The following EIF2AK1 variants were observed in gnomAD, a reference collection of about 807,000 sequenced individuals.
The protein encoded by EIF2AK1 is eukaryotic translation initiation factor 2 alpha kinase 1, also known as eukaryotic translation initiation factor 2-alpha kinase 1.
In EIF2AK1, 54 loss-of-function variants were observed where a neutral mutation model predicts 77.9. That is an observed-to-expected ratio of 0.69 (90% CI 0.56 to 0.87). The LOEUF (loss-of-function observed/expected upper bound fraction) is 0.87, where lower values mean the gene tolerates loss of function less well. Among genes scored for constraint, EIF2AK1 ranks in the 40% least tolerant of loss-of-function variants. The pLI, the probability that EIF2AK1 is intolerant of heterozygous loss-of-function variation, is 0.00. For synonymous variants in EIF2AK1, 314 were observed against 290.5 expected, an observed-to-expected ratio of 1.08 and a Z score of -0.82; for missense variants, 810 against 768.6, an observed-to-expected ratio of 1.05 and a Z score of -0.64.
intron 2 of EIF2AK1, among the ~76,000 whole-genome samples, chr7:6,051,304 C>T (rs1031004010): frequency 6.8e-6 from 1 of 147,502 alleles, no homozygotes; most frequent in African/African-American, 2.5e-5. Context: ...CAGACTCTCA[C>T]TCTGTCGCCC....
intron 2 of EIF2AK1, among the ~76,000 whole-genome samples, chr7:6,050,958 A>G (rs539396905): frequency 6.6e-6 from 1 of 152,248 alleles, no homozygotes; most frequent in Admixed American, 6.6e-5. Flanking sequence ...TAGTCAGTAA[A>G]GTACTAAGCC....
chr7:6,058,916 G>A, intron 1 of EIF2AK1, 50 bp downstream of exon 1: 1 of 1,442,168 alleles, frequency 6.9e-7, no homozygotes, highest in Non-Finnish European at 9.2e-7. Context: ...GCCCAGAAAC[G>A]CAGGTGGACA....
In EIF2AK1 at chr7:6,031,541, C is replaced by T. The variant is rs926886495; in HGVS notation, c.1333-2509G>A. The T allele has an allele frequency of 5.2e-6, 8 of 1,550,620 alleles. No homozygotes were observed. In the African/African-American group the frequency reaches 9.6e-5, roughly 19 times the overall value. On this transcript the variant is annotated intron_variant, in intron 11 of 14. Transcript: ENST00000199389. ...CCTGAGAAATCACCCTGTCAACCAGCCCATCACCATTCTGCCCAACTCCGC... is the reference window on the plus strand; with the variant it reads ...CCTGAGAAATCACCCTGTCAACCAGTCCATCACCATTCTGCCCAACTCCGC...
chr7:6,024,527 G>C lies in EIF2AK1; in HGVS notation c.*146C>G, dbSNP rs1223331712. The stretch of plus-strand genomic sequence containing the variant: ...AAAAGGAGCTTGTGGGGCAGGAAGG[G>C]AAGGAACGGCAGCTTGGGGCACTCT... On this transcript the variant is annotated 3_prime_UTR_variant, in exon 15 of 15. Transcript: ENST00000199389. The C allele has an allele frequency of 2.1e-6, 3 of 1,457,352 alleles. No homozygotes were observed. In the African/African-American group the frequency reaches 4.3e-5, roughly 21 times the overall value. The allele number at this position is 1,457,352 out of a possible 1,614,324, so 90.3% of individuals were successfully genotyped here.
chr7:6,052,190 A>G (rs1194177606), intron 2 of EIF2AK1, among the ~76,000 whole-genome samples: 4 of 144,934 alleles, frequency 2.8e-5, no homozygotes, highest in Non-Finnish European at 6.1e-5. Context: ...AAAAAAAAAA[A>G]GTCATCTAAA....
In EIF2AK1 at chr7:6,027,879, A is replaced by C; in HGVS notation, c.1530+736T>G. ...CAGGAGTTTGAGACCAACCTGGACA[A>C]AGCAAGACCCATCTCTACAAATAAT... is the stretch of plus-strand genomic sequence containing the variant. On this transcript the variant is annotated intron_variant, in intron 13 of 14. Coordinates refer to ENST00000199389, the MANE Select transcript of EIF2AK1 (RefSeq NM_014413.4). The surrounding 1 kb of genome is among the most constrained non-coding windows in gnomAD (Gnocchi z 4.5). 1 of 434,952 alleles carries C rather than the reference A, an allele frequency of 2.3e-6. No homozygotes were observed. The highest frequency in any genetic ancestry group is 1.7e-5 in the South Asian group (1 of 59,858). The allele number at this position is 434,952 out of a possible 1,614,324, so 26.9% of individuals were successfully genotyped here.
chr7:6,035,547 G>C lies in EIF2AK1; in HGVS notation c.1332+1877C>G. 3.2e-6 allele frequency: 5 copies of C among 1,551,190 alleles called. No individual in the cohort carries two copies. Among genetic ancestry groups the C allele is most frequent in the Non-Finnish European group, 4.4e-6 (5 of 1,147,132 alleles). On this transcript the variant is annotated intron_variant, in intron 11 of 14. Transcript: ENST00000199389. This position sits in a 1 kb window ranked among gnomAD's most constrained non-coding sequence, Gnocchi z 5.5. ...CAACAGAACGCACAGGATCCTGACA[G>C]ACATTCAGAATAGCAGCATCACATG... is the stretch of plus-strand genomic sequence containing the variant.
At chr7:6,055,292 G>A (rs148697062) in intron 1 of EIF2AK1, among the ~76,000 whole-genome samples, 13 of 134,254 alleles carry the variant, frequency 9.7e-5, no homozygotes, top group African/African-American at 3.1e-4. Context: ...GCGGTGAGCC[G>A]AGATCAACCA....
At chr7:6,026,433 A>G (rs747449144) in intron 14 of EIF2AK1, 4 of 574,766 alleles carry the variant, frequency 7.0e-6, no homozygotes, top group South Asian at 6.1e-5. Flanking sequence ...GAAGTTTCCT[A>G]CCGGCCTTCG....
At position 6,044,600 on chromosome 7, in the gene EIF2AK1, G is replaced by A. The variant is rs868408498; in HGVS notation, c.692C>T (p.Thr231Ile). ...CACATGAACATGTTCTATCCACGCG[G>A]TGTGATAGCCAACAATATTGGGGTG... ...LQHPNIVGYH[T>I]AWIEHVHVIQ... The change falls in exon 7 of 15, where the codon ACC becomes ATC. Residue 231 changes from threonine (T) to isoleucine (I), a missense_variant. Transcript: ENST00000199389. 6.2e-7 allele frequency: 1 copy of A among 1,613,976 alleles called. No homozygotes were observed. The highest frequency in any genetic ancestry group is 1.3e-5 in the African/African-American group (1 of 74,924).
intron 4 of EIF2AK1, 161 bp from the exon 5 acceptor site, chr7:6,047,252 A>T (rs1400900688): frequency 1.3e-6 from 1 of 771,300 alleles, no homozygotes; most frequent in Non-Finnish European, 2.3e-6. Context: ...CATCCCTATG[A>T]AGAAAACAAA....
chr7:6,056,613 A>AAAAAAAAAAAATATATATATAT, intron 1 of EIF2AK1, among the ~76,000 whole-genome samples: 2 of 43,726 alleles, frequency 4.6e-5, no homozygotes, highest in Non-Finnish European at 9.4e-5. Context: ...AAAAAAAAAA[A>AAAAAAAAAAAATATATATATAT]ATATATATAT....
intron 1 of EIF2AK1, among the ~76,000 whole-genome samples, chr7:6,057,992 A>T (rs1788835275): frequency 6.6e-6 from 1 of 151,852 alleles, no homozygotes; most frequent in Non-Finnish European, 1.5e-5. Flanking sequence ...GCAACTAAAG[A>T]CTCTATTTCA....
At chr7:6,024,877 C>T (rs1280620908) in intron 14 of EIF2AK1, 76 bp from the exon 15 acceptor site, 14 of 1,162,026 alleles carry the variant, frequency 1.2e-5, no homozygotes, top group African/African-American at 5.1e-5. Context: ...CTCGCTCTGT[C>T]GCCCAGGCTG....
chr7:6,058,867 C>G (rs1382303257), intron 1 of EIF2AK1, 99 bp downstream of exon 1: 2 of 1,111,824 alleles, frequency 1.8e-6, no homozygotes, highest in Admixed American at 3.8e-5. Flanking sequence ...CAGCCAAAGT[C>G]GCCCAGGTCC....
rs1583475813 is a variant in EIF2AK1, at chr7:6,028,758, T to G, written c.1448-61A>C. On this transcript the variant is annotated intron_variant, in intron 12 of 14. Coordinates refer to ENST00000199389, the MANE Select transcript of EIF2AK1 (RefSeq NM_014413.4). ...TTAGCGCTGTCAACATTAAAGAACA[T>G]TTACTATGAGGAAGCAGTGTAGCTC... 19 of 1,540,416 alleles carry G rather than the reference T, an allele frequency of 1.2e-5. No individual in the cohort carries two copies. In the South Asian group the frequency reaches 1.8e-4, roughly 15 times the overall value.
chr7:6,040,821 C>T (rs915906682), intron 9 of EIF2AK1, 71 bp downstream of exon 9: 7 of 1,272,622 alleles, frequency 5.5e-6, no homozygotes, highest in African/African-American at 4.4e-5. Context: ...TGAGAGAGGG[C>T]GAGAGAAGGC....
At chr7:6,050,215 C>T (rs761095144) in intron 2 of EIF2AK1, among the ~76,000 whole-genome samples, 170 bp from the exon 3 acceptor site, 24 of 150,194 alleles carry the variant, frequency 1.6e-4, no homozygotes, top group Non-Finnish European at 3.5e-4. Flanking sequence ...TCTAGAATAA[C>T]GTAAAAGAAA....
rs1359892263 is a variant in EIF2AK1 at position 6,028,100 on chromosome 7, C to A, written c.1530+515G>T. On this transcript the variant is annotated intron_variant, in intron 13 of 14. Coordinates refer to ENST00000199389, the MANE Select transcript of EIF2AK1 (RefSeq NM_014413.4). ...TGAACAAACAAAAAAATTGTGACAT[C>A]TGTGGATTTTGAAATGGTAAAGTAG... is the stretch of plus-strand genomic sequence containing the variant. 25 of 349,270 alleles carry A rather than the reference C, an allele frequency of 7.2e-5. 1 individual carries two copies. The highest frequency in any genetic ancestry group is 5.8e-4 in the East Asian group (7 of 12,166). 21.6% of individuals were successfully genotyped at this position (349,270 alleles called of 1,614,324 possible). A position where few individuals can be genotyped will look rare whatever the true frequency, so the allele number is the denominator to read the frequency against.
Sources: gnomAD v4.1 joint callset for allele counts (sites outside exome capture counted in the v4.1 genomes callset) on GRCh38, gnomAD v4.1.1 for gene constraint, Gnocchi (gnomAD v3.1) non-coding constraint, MANE v1.5 for transcripts, NCBI Gene and HGNC (gene_info 2026-07-23, HGNC 2026-07-21) for gene names.